Variants in TECRL observed in about 807,000 individuals in gnomAD.
The protein encoded by TECRL is trans-2,3-enoyl-CoA reductase like, also known as trans-2,3-enoyl-CoA reductase-like.
TECRL carries 63 observed loss-of-function variants against 52.8 expected under a neutral mutation model. That is an observed-to-expected ratio of 1.19 (90% CI 0.97 to 1.47). The LOEUF (loss-of-function observed/expected upper bound fraction) is 1.47. Ranked by LOEUF, TECRL falls within the 40% of genes most tolerant of loss-of-function variation. TECRL has a pLI of 0.00. For synonymous variants in TECRL, 164 were observed against 141.9 expected (o/e 1.16, Z -1.10); for missense variants, 482 against 429.6 (o/e 1.12, Z -1.08).
At chr4:64,352,539 A>G (rs73230420) in intron 2 of TECRL, among the ~76,000 whole-genome samples, 2,678 of 152,340 alleles carry the variant, frequency 0.018, 89 homozygotes, top group African/African-American at 0.061. Flanking sequence ...TAAGAACAGT[A>G]AAGGGCAGAA....
intron 7 of TECRL, among the ~76,000 whole-genome samples, chr4:64,300,547 T>C (rs1723956992): frequency 1.3e-5 from 2 of 150,842 alleles, no homozygotes; most frequent in South Asian, 2.1e-4. Flanking sequence ...AAGAGTAATG[T>C]AGAAAACACC....
At chr4:64,300,373 A>G (rs1723946743) in intron 7 of TECRL, among the ~76,000 whole-genome samples, 1 of 150,942 alleles carries the variant, frequency 6.6e-6, no homozygotes, top group Non-Finnish European at 1.5e-5. Flanking sequence ...ATGTTTAACA[A>G]TAAAAAGGAA....
intron 1 of TECRL, among the ~76,000 whole-genome samples, chr4:64,382,054 C>G (rs1160017653): frequency 6.6e-6 from 1 of 151,564 alleles, no homozygotes; most frequent in Non-Finnish European, 1.5e-5. Flanking sequence ...ACCAGTATAG[C>G]AACTCAGTGC....
chr4:64,327,512 C>T (rs1386556220), intron 3 of TECRL, among the ~76,000 whole-genome samples: 1 of 151,940 alleles, frequency 6.6e-6, no homozygotes, highest in Non-Finnish European at 1.5e-5. Context: ...TGTGCTAGGC[C>T]CTATGAAGGC....
In TECRL at chr4:64,348,608, G is replaced by A. The variant is rs182609990; in HGVS notation, c.287-20052C>T. Among the ~76,000 whole-genome samples, 502 of 152,156 alleles carry A rather than the reference G, an allele frequency of 3.3e-3. 1 individual carries two copies. The highest frequency in any genetic ancestry group is 6.2e-3 in the Non-Finnish European group (424 of 68,012). ...ATCTACCCAGAATCTGATCACTTCTGTCTCATCTACTGACATCAAAGTGGT... is the reference window on the plus strand; with the variant it reads ...ATCTACCCAGAATCTGATCACTTCTATCTCATCTACTGACATCAAAGTGGT... On this transcript the variant is annotated intron_variant, in intron 2 of 11. Coordinates refer to ENST00000381210, the MANE Select transcript of TECRL (RefSeq NM_001010874.5).
At chr4:64,321,260 T>A (rs1489940529) in intron 4 of TECRL, among the ~76,000 whole-genome samples, 1 of 151,934 alleles carries the variant, frequency 6.6e-6, no homozygotes, top group African/African-American at 2.4e-5. Flanking sequence ...AAAATTAAAT[T>A]TGTGTTAGAT....
intron 2 of TECRL, among the ~76,000 whole-genome samples, chr4:64,336,344 G>A (rs1719080560): frequency 6.6e-6 from 1 of 152,022 alleles, no homozygotes; most frequent in African/African-American, 2.4e-5. Context: ...TATTTCTGTG[G>A]GATTGGTGGT....
chr4:64,381,676 TGA>T (rs1722806560), intron 1 of TECRL, among the ~76,000 whole-genome samples: 2 of 152,158 alleles, frequency 1.3e-5, no homozygotes, highest in African/African-American at 4.8e-5. Flanking sequence ...TTCAATCTGT[TGA>T]TATGATATAT....
chr4:64,374,393 CT>C (rs200162926), intron 2 of TECRL, among the ~76,000 whole-genome samples: 15 of 148,360 alleles, frequency 1.0e-4, no homozygotes, highest in South Asian at 4.2e-4. Flanking sequence ...TTAATGTTTT[CT>C]TTTTTTTTCC....
intron 1 of TECRL, among the ~76,000 whole-genome samples, chr4:64,380,553 C>A (rs1451603820): frequency 6.6e-6 from 1 of 151,884 alleles, no homozygotes; most frequent in African/African-American, 2.4e-5. Flanking sequence ...TATAAGTTTC[C>A]AATCAATTTT....
At chr4:64,288,771 T>C (rs148967789) in intron 9 of TECRL, among the ~76,000 whole-genome samples, 46 of 152,256 alleles carry the variant, frequency 3.0e-4, no homozygotes, top group Non-Finnish European at 4.9e-4. Context: ...TTGAGAAATA[T>C]GTTCAGCAAA....
At chr4:64,387,199 AG>A (rs1723237563) in intron 1 of TECRL, among the ~76,000 whole-genome samples, 1 of 152,114 alleles carries the variant, frequency 6.6e-6, no homozygotes, top group Non-Finnish European at 1.5e-5. Context: ...TTTTTCACTT[AG>A]TAATGCACAT....
intron 9 of TECRL, among the ~76,000 whole-genome samples, chr4:64,288,769 T>C (rs1197090479): frequency 1.3e-5 from 2 of 152,094 alleles, no homozygotes; most frequent in East Asian, 3.9e-4. Context: ...ATTTGAGAAA[T>C]ATGTTCAGCA....
At chr4:64,358,062 A>AAATT (rs1194412181) in intron 2 of TECRL, among the ~76,000 whole-genome samples, 1 of 150,954 alleles carries the variant, frequency 6.6e-6, no homozygotes, top group African/African-American at 2.4e-5. Flanking sequence ...CAATTATTAA[A>AAATT]AATTACTAGG....
intron 2 of TECRL, among the ~76,000 whole-genome samples, chr4:64,343,648 A>G (rs1433867536): frequency 6.6e-6 from 1 of 152,072 alleles, no homozygotes; most frequent in Non-Finnish European, 1.5e-5. Flanking sequence ...TGCTTTAACA[A>G]AAATCAATTC....
chr4:64,395,261 C>A (rs1577988764), intron 1 of TECRL, among the ~76,000 whole-genome samples: 1 of 151,742 alleles, frequency 6.6e-6, no homozygotes, highest in Non-Finnish European at 1.5e-5. Context: ...TGTATTTTAC[C>A]CAAATTATAT....
Position 64,279,684 on chromosome 4 carries a change from A to C in TECRL, c.*388T>G, listed in dbSNP as rs1381432949. The C allele has an allele frequency of 1.7e-6, 1 of 605,448 alleles. No individual in the cohort carries two copies. Among genetic ancestry groups the C allele is most frequent in the Non-Finnish European group, 2.1e-6 (1 of 483,386 alleles). 37.5% of individuals were successfully genotyped at this position (605,448 alleles called of 1,614,324 possible). ...TTAATGTTGAGCATTTTAAAAATAT[A>C]CTTATTGACCATGTATATGTCTTCC... is the stretch of plus-strand genomic sequence containing the variant. On this transcript the variant is annotated 3_prime_UTR_variant, in exon 12 of 12. Coordinates refer to ENST00000381210, the MANE Select transcript of TECRL (RefSeq NM_001010874.5).
At chr4:64,350,517 A>G (rs1186328485) in intron 2 of TECRL, among the ~76,000 whole-genome samples, 2 of 152,168 alleles carry the variant, frequency 1.3e-5, no homozygotes, top group East Asian at 1.9e-4. Flanking sequence ...ACATTTTATT[A>G]TATTTTATTC....
intron 2 of TECRL, among the ~76,000 whole-genome samples, chr4:64,358,569 G>C (rs2109603504): frequency 6.6e-6 from 1 of 151,718 alleles, no homozygotes; most frequent in African/African-American, 2.4e-5. Flanking sequence ...GAAAATGCTA[G>C]CAGTAAGTGT....
Sources: allele counts gnomAD v4.1 joint callset (sites outside exome capture counted in the v4.1 genomes callset), GRCh38; gene constraint gnomAD v4.1.1; transcripts MANE v1.5; gene names NCBI Gene and HGNC (gene_info 2026-07-23, HGNC 2026-07-21).